Variants in FSTL5 observed in about 807,000 individuals in gnomAD.
The protein encoded by FSTL5 is follistatin like 5, also known as follistatin-related protein 5.
In FSTL5, 62 loss-of-function variants were observed where a neutral mutation model predicts 89.1. The observed-to-expected ratio is 0.70, with a 90% CI of 0.57 to 0.86. FSTL5 has a LOEUF of 0.86. Among genes scored for constraint, FSTL5 ranks in the 40% least tolerant of loss-of-function variants. The pLI is 0.00. For synonymous variants in FSTL5, 383 were observed against 346.2 expected, an observed-to-expected ratio of 1.11 and a Z score of -1.18; for missense variants, 1,057 against 1,001.6, an observed-to-expected ratio of 1.06 and a Z score of -0.75.
intron 6 of FSTL5, among the ~76,000 whole-genome samples, chr4:161,681,223 G>A (rs992040763): frequency 6.6e-6 from 1 of 152,016 alleles, no homozygotes; most frequent in African/African-American, 2.4e-5. Flanking sequence ...ACTGAAAACA[G>A]ACATCTTAGA....
intron 4 of FSTL5, among the ~76,000 whole-genome samples, chr4:161,880,299 A>G (rs890721760): frequency 2.0e-5 from 3 of 151,974 alleles, no homozygotes; most frequent in Non-Finnish European, 4.4e-5. Flanking sequence ...ATTAATATTA[A>G]TGTTTAATAT....
chr4:161,809,165 G>A lies in FSTL5; in HGVS notation c.410-33091C>T, dbSNP rs185820933. On this transcript the variant is annotated intron_variant, in intron 4 of 15. Transcript: ENST00000306100. ...ACCCGGGAGGCGGAGCTTGCAGTGA[G>A]CCATGATGGCGCCACTTCACTCCAG... Among the ~76,000 whole-genome samples, 69 of 152,300 alleles carry A rather than the reference G, an allele frequency of 4.5e-4. No homozygotes were observed. In the East Asian group the frequency reaches 9.5e-3, roughly 21 times the overall value.
chr4:161,728,374 A>G (rs941883225), intron 6 of FSTL5, among the ~76,000 whole-genome samples: 2 of 152,152 alleles, frequency 1.3e-5, no homozygotes, highest in Non-Finnish European at 1.5e-5. Context: ...ACAGAATTTT[A>G]CTGTTGATAA....
intron 4 of FSTL5, among the ~76,000 whole-genome samples, chr4:161,836,655 A>G (rs895447283): frequency 6.6e-6 from 1 of 152,018 alleles, no homozygotes; most frequent in Non-Finnish European, 1.5e-5. Context: ...TTATAAATCC[A>G]AATTTGGATA....
chr4:161,630,552 A>G (rs1735469782), intron 7 of FSTL5, among the ~76,000 whole-genome samples: 1 of 152,216 alleles, frequency 6.6e-6, no homozygotes, highest in African/African-American at 2.4e-5. Context: ...CAAAACCACA[A>G]TTGTAACTGG....
intron 4 of FSTL5, among the ~76,000 whole-genome samples, chr4:161,907,988 T>G (rs1733583766): frequency 6.6e-6 from 1 of 152,216 alleles, no homozygotes; most frequent in Admixed American, 6.5e-5. Context: ...GAATAATGAT[T>G]AGATATAATA....
At chr4:161,723,468 A>G (rs898712072) in intron 6 of FSTL5, among the ~76,000 whole-genome samples, 6 of 152,354 alleles carry the variant, frequency 3.9e-5, no homozygotes, top group African/African-American at 1.4e-4. Flanking sequence ...GGCAGGGCAC[A>G]ACGTCTTCAG....
chr4:161,781,314 G>A (rs1468212379), intron 4 of FSTL5, among the ~76,000 whole-genome samples: 1 of 149,552 alleles, frequency 6.7e-6, no homozygotes, highest in Admixed American at 6.6e-5. Flanking sequence ...TTGGTTAAAG[G>A]TAGCCTGAAC....
At chr4:161,686,004 T>C (rs904307775) in intron 6 of FSTL5, among the ~76,000 whole-genome samples, 2 of 152,248 alleles carry the variant, frequency 1.3e-5, no homozygotes, top group African/African-American at 4.8e-5. Flanking sequence ...TCTGCAGCTA[T>C]TGAGATGGTC....
intron 2 of FSTL5, among the ~76,000 whole-genome samples, 167 bp from the exon 3 acceptor site, chr4:162,033,825 A>G (rs956358275): frequency 2.0e-5 from 3 of 152,008 alleles, no homozygotes; most frequent in Admixed American, 1.3e-4. Context: ...TTGAGAGAGC[A>G]TTTTGCCCTG....
intron 2 of FSTL5, among the ~76,000 whole-genome samples, chr4:162,099,258 A>G (rs2111377755): frequency 6.6e-6 from 1 of 152,266 alleles, no homozygotes; most frequent in East Asian, 1.9e-4. Flanking sequence ...AAGAAAAGGA[A>G]AATAATTGAA....
At chr4:162,108,690 T>C (rs911362531) in intron 2 of FSTL5, among the ~76,000 whole-genome samples, 6 of 151,788 alleles carry the variant, frequency 4.0e-5, no homozygotes, top group Admixed American at 3.9e-4. Flanking sequence ...ATTAAAATAA[T>C]TTATTTTTAA....
At chr4:161,827,082 CTA>C (rs2126856971) in intron 4 of FSTL5, among the ~76,000 whole-genome samples, 1 of 152,176 alleles carries the variant, frequency 6.6e-6, no homozygotes, top group East Asian at 1.9e-4. Context: ...GCTGGGTGGA[CTA>C]TGTCAGAGGG....
chr4:161,822,619 G>GC (rs1453440193), intron 4 of FSTL5, among the ~76,000 whole-genome samples: 4 of 152,136 alleles, frequency 2.6e-5, no homozygotes, highest in African/African-American at 9.7e-5. Context: ...CACAGCCCTG[G>GC]CCCAGCCCTA....
At chr4:161,780,058 G>T (rs1386850680) in intron 4 of FSTL5, among the ~76,000 whole-genome samples, 3 of 148,756 alleles carry the variant, frequency 2.0e-5, no homozygotes, top group Non-Finnish European at 4.5e-5. Context: ...ATGTCCCTCG[G>T]AGTCCTTCAA....
chr4:161,499,068 G>A (rs1730199904), intron 12 of FSTL5, among the ~76,000 whole-genome samples: 1 of 152,088 alleles, frequency 6.6e-6, no homozygotes, highest in African/African-American at 2.4e-5. Flanking sequence ...TGGGCTTGGA[G>A]GCACGCGCCT....
intron 15 of FSTL5, among the ~76,000 whole-genome samples, chr4:161,398,576 T>A (rs1253996480): frequency 6.6e-6 from 1 of 152,058 alleles, no homozygotes; most frequent in African/African-American, 2.4e-5. Context: ...CTTCTGTGCA[T>A]CAAAAAATAT....
intron 11 of FSTL5, among the ~76,000 whole-genome samples, chr4:161,504,729 C>T (rs1252881951): frequency 1.3e-5 from 2 of 151,892 alleles, no homozygotes; most frequent in South Asian, 2.1e-4. Flanking sequence ...CCCTTAAATA[C>T]ATGAAATGGA....
At chr4:161,505,083 C>T (rs946600423) in intron 11 of FSTL5, among the ~76,000 whole-genome samples, 3 of 152,008 alleles carry the variant, frequency 2.0e-5, no homozygotes, top group African/African-American at 2.4e-5. Context: ...ATACAGAATC[C>T]TTCATTTGTT....
Sources: gnomAD v4.1 joint callset for allele counts (sites outside exome capture counted in the v4.1 genomes callset) on GRCh38, gnomAD v4.1.1 for gene constraint, MANE v1.5 for transcripts, NCBI Gene and HGNC (gene_info 2026-07-23, HGNC 2026-07-21) for gene names.